Variants in KDM6A observed in about 807,000 individuals in gnomAD.
KDM6A encodes the protein lysine demethylase 6A, also known as lysine-specific demethylase 6A.
KDM6A carries 11 observed loss-of-function variants against 117.6 expected under a neutral mutation model. The ratio of observed to expected loss-of-function variants is 0.09; its 90% CI spans 0.06 to 0.15. The LOEUF is 0.15. KDM6A is among the 10% of genes least tolerant of loss of function. The pLI, the probability that KDM6A is intolerant of heterozygous loss-of-function variation, is 1.00. For synonymous variants in KDM6A, 384 were observed against 396.1 expected (o/e 0.97, Z 0.36); for missense variants, 799 against 1,077.3 (o/e 0.74, Z 3.62).
intron 27 of KDM6A, among the ~76,000 whole-genome samples, chrX:45,097,541 C>T (rs2046162589): frequency 9.0e-6 from 1 of 110,910 alleles, no homozygotes; most frequent in Non-Finnish European, 1.9e-5. Context: ...CAAATTTCAG[C>T]ACCACATGAG....
At chrX:44,990,086 G>A (rs1422055836) in intron 4 of KDM6A, among the ~76,000 whole-genome samples, 1 of 112,053 alleles carries the variant, frequency 8.9e-6, no homozygotes, top group African/African-American at 3.2e-5. Flanking sequence ...GAAGGCAAAG[G>A]CCAGATCATA....
At chrX:44,913,752 A>G (rs1373969812) in intron 2 of KDM6A, among the ~76,000 whole-genome samples, 1 of 110,491 alleles carries the variant, frequency 9.1e-6, no homozygotes, top group African/African-American at 3.3e-5. Flanking sequence ...GCGTATATAT[A>G]TATATATGTA....
chrX:44,919,029 T>C (rs969600400), intron 2 of KDM6A, among the ~76,000 whole-genome samples: 3 of 111,766 alleles, frequency 2.7e-5, no homozygotes, highest in Non-Finnish European at 3.8e-5. Flanking sequence ...ATTGAAGTTT[T>C]CCTAGGTGTA....
intron 2 of KDM6A, among the ~76,000 whole-genome samples, chrX:44,943,353 C>T (rs1352581853): frequency 2.9e-5 from 3 of 103,582 alleles, no homozygotes; most frequent in African/African-American, 1.2e-4. Context: ...TATTTTATTG[C>T]TAAAAAAAGT....
At chrX:45,047,971 C>T (rs1001284469) in intron 8 of KDM6A, among the ~76,000 whole-genome samples, 2 of 108,652 alleles carry the variant, frequency 1.8e-5, no homozygotes, top group African/African-American at 6.7e-5. Flanking sequence ...ACCAGCCTGG[C>T]CAAAATGGCG....
At chrX:45,040,143 AC>A (rs1193446735) in intron 8 of KDM6A, among the ~76,000 whole-genome samples, 1 of 59,963 alleles carries the variant, frequency 1.7e-5, no homozygotes, top group African/African-American at 6.7e-5. Context: ...CGGGGGGCTG[AC>A]CCCCCCACCA....
chrX:44,915,964 C>T (rs1404057227), intron 2 of KDM6A, among the ~76,000 whole-genome samples: 4 of 111,366 alleles, frequency 3.6e-5, no homozygotes, highest in South Asian at 3.8e-4. Flanking sequence ...ACAAGAAGAA[C>T]GGTGAGTACA....
chrX:45,062,053 T>A (rs1243789275), intron 15 of KDM6A, among the ~76,000 whole-genome samples: 2 of 110,582 alleles, frequency 1.8e-5, no homozygotes, highest in Non-Finnish European at 3.8e-5. Context: ...TCCAGAGGTA[T>A]GTTATGTATG....
chrX:44,906,314 A>AT (rs1194958600), intron 2 of KDM6A, among the ~76,000 whole-genome samples: 1 of 109,647 alleles, frequency 9.1e-6, no homozygotes, highest in Non-Finnish European at 1.9e-5. Flanking sequence ...CGCCTGGCTA[A>AT]TTTTTTTTAA....
intron 2 of KDM6A, among the ~76,000 whole-genome samples, chrX:44,885,109 C>T (rs1398621551): frequency 9.2e-6 from 1 of 108,119 alleles, no homozygotes; most frequent in East Asian, 2.9e-4. Context: ...TCACTGCTCA[C>T]TACAGCCTGA....
intron 2 of KDM6A, among the ~76,000 whole-genome samples, chrX:44,874,853 G>A (rs181581737): frequency 1.9e-3 from 213 of 111,190 alleles, no homozygotes; most frequent in Middle Eastern, 9.2e-3. Flanking sequence ...CCTTTCCTTC[G>A]GAGTGTGTAG....
chrX:45,075,817 T>C (rs996266361), intron 18 of KDM6A, among the ~76,000 whole-genome samples: 1 of 111,787 alleles, frequency 8.9e-6, no homozygotes, highest in African/African-American at 3.2e-5. Flanking sequence ...CCCAGAATAA[T>C]TGAAAATTTC....
chrX:44,908,715 C>T (rs2034887834), intron 2 of KDM6A, among the ~76,000 whole-genome samples: 1 of 111,596 alleles, frequency 9.0e-6, no homozygotes, highest in East Asian at 2.8e-4. Flanking sequence ...GGACAGAAAC[C>T]CCATCTCTTG....
chrX:45,054,701 T>C (rs752684236), intron 10 of KDM6A, among the ~76,000 whole-genome samples: 99 of 112,036 alleles, frequency 8.8e-4, no homozygotes, highest in African/African-American at 3.1e-3. Context: ...AAGATCAATG[T>C]ACTAGGAGCC....
chrX:45,097,153 A>C (rs891155831), intron 27 of KDM6A, among the ~76,000 whole-genome samples: 36 of 111,105 alleles, frequency 3.2e-4, no homozygotes, highest in Admixed American at 2.8e-3. Context: ...GTGGGAGCTA[A>C]ATTATGAGAC....
chrX:45,084,174 T>G (rs12008805), intron 24 of KDM6A, among the ~76,000 whole-genome samples: 5,278 of 111,919 alleles, frequency 0.047, 329 homozygotes, highest in African/African-American at 0.16. Context: ...TTGCCACTAA[T>G]TAGGCTTGTC....
rs2148307962 is a variant in KDM6A at position 45,110,229 on chromosome X, G to A, written c.4312G>A (p.Val1438Ile). ...GTACAAAATGGAGGACCTGATGCAA[G>A]TCTATGACCAATTTACATTAGTAAG... ...EQYKMEDLMQ[V>I]YDQFTLAPPL... The change falls in exon 29 of 30, where the codon GTC becomes ATC. Residue 1438 changes from valine (V) to isoleucine (I), a missense_variant. Val to Ile is a conservative substitution (Grantham distance 29). This residue lies in a region of KDM6A where 291 missense variants were observed against 437.9 expected (regional missense o/e 0.66). Transcript: ENST00000611820. 7.4e-6 allele frequency: 9 copies of A among 1,209,657 alleles called. No homozygotes were observed. The highest frequency in any genetic ancestry group is 1.0e-5 in the Non-Finnish European group (9 of 893,651).
At chrX:44,968,616 C>G (rs1426465027) in intron 3 of KDM6A, among the ~76,000 whole-genome samples, 5 of 112,335 alleles carry the variant, frequency 4.5e-5, no homozygotes, top group African/African-American at 1.6e-4. Flanking sequence ...GTGTAAATAT[C>G]TATAAATATG....
At chrX:45,058,872 C>A (rs1262044436) in intron 10 of KDM6A, 134 bp from the exon 11 acceptor site, 5 of 525,182 alleles carry the variant, frequency 9.5e-6, no homozygotes, top group Non-Finnish European at 1.7e-5. Flanking sequence ...TACATACATA[C>A]ACATAAATAT....
Sources: gnomAD v4.1 joint callset for allele counts (sites outside exome capture counted in the v4.1 genomes callset) on GRCh38, gnomAD v4.1.1 for gene constraint, gnomAD v4.1.1 regional missense constraint, MANE v1.5 for transcripts, NCBI Gene and HGNC (gene_info 2026-07-23, HGNC 2026-07-21) for gene names.